Variants in HMGN3 observed in about 807,000 individuals in gnomAD.
HMGN3 encodes high mobility group nucleosome-binding domain-containing protein 3.
A neutral mutation model predicts 18.8 loss-of-function variants in HMGN3; 6 were observed. The observed-to-expected ratio is 0.32, with a 90% CI of 0.18 to 0.63. The LOEUF (loss-of-function observed/expected upper bound fraction) is 0.63, where lower values mean the gene tolerates loss of function less well. Among genes scored for constraint, HMGN3 ranks in the 30% least tolerant of loss-of-function variants. HMGN3 has a pLI of 0.79. For missense variants in HMGN3, 107 were observed against 114.2 expected, an observed-to-expected ratio of 0.94 and a Z score of 0.29; for synonymous variants, 40 against 36.5, an observed-to-expected ratio of 1.10 and a Z score of -0.35.
At chr6:79,220,805 T>A (rs1777244746) in intron 1 of HMGN3, among the ~76,000 whole-genome samples, 1 of 152,106 alleles carries the variant, frequency 6.6e-6, no homozygotes, top group African/African-American at 2.4e-5. Flanking sequence ...GATGGATGTG[T>A]CATAAAGGTA....
In HMGN3 at chr6:79,234,565, A is replaced by G. The variant is rs926753028; in HGVS notation, c.-5T>C. 3.1e-6 allele frequency: 5 copies of G among 1,612,026 alleles called. 1 individual carries two copies. Among genetic ancestry groups the G allele is most frequent in the Admixed American group, 1.7e-5 (1 of 60,016 alleles). The stretch of plus-strand genomic sequence containing the variant: ...ACTTACCTTTCTCTTCGGCATAATG[A>G]CTATGTCGGTGAAGCAAAAAGTAAA... On this transcript the variant is annotated 5_prime_UTR_variant, in exon 1 of 6. Transcript: ENST00000344726.
intron 1 of HMGN3, among the ~76,000 whole-genome samples, chr6:79,229,826 T>C (rs1456960327): frequency 6.6e-6 from 1 of 151,880 alleles, no homozygotes; most frequent in Non-Finnish European, 1.5e-5. Flanking sequence ...TGCAGTGAGC[T>C]GAGATCGCGC....
At chr6:79,234,400 C>A in intron 1 of HMGN3, 146 bp downstream of exon 1, 1 of 711,676 alleles carries the variant, frequency 1.4e-6, no homozygotes, top group Non-Finnish European at 2.5e-6. Flanking sequence ...ACGTCTGCAA[C>A]AGGCATCTAA....
chr6:79,234,657 A>C (rs919014343), exon 1 of HMGN3: 3 of 1,255,624 alleles, frequency 2.4e-6, no homozygotes, highest in Admixed American at 1.7e-5. Context: ...GCTCACGCGC[A>C]GGGCACGACG....
chr6:79,223,144 TGAG>T (rs1298211858), intron 1 of HMGN3, among the ~76,000 whole-genome samples: 1 of 152,076 alleles, frequency 6.6e-6, no homozygotes, highest in Non-Finnish European at 1.5e-5. Flanking sequence ...TTTGGGAGGC[TGAG>T]GAGGGCAGAT....
intron 4 of HMGN3, among the ~76,000 whole-genome samples, chr6:79,203,080 A>T (rs749929791): frequency 6.6e-6 from 1 of 152,188 alleles, no homozygotes; most frequent in African/African-American, 2.4e-5. Flanking sequence ...CTACTTCAAC[A>T]GAGTTGATGT....
chr6:79,229,680 A>T (rs111769593), intron 1 of HMGN3, among the ~76,000 whole-genome samples: 2 of 152,174 alleles, frequency 1.3e-5, no homozygotes, highest in Non-Finnish European at 2.9e-5. Flanking sequence ...GATCAAGACC[A>T]TCCTGGCTAA....
At chr6:79,224,286 A>G (rs1376186409) in intron 1 of HMGN3, among the ~76,000 whole-genome samples, 1 of 152,176 alleles carries the variant, frequency 6.6e-6, no homozygotes, top group Non-Finnish European at 1.5e-5. Flanking sequence ...GGTTTGTGTT[A>G]AGTGTTCTTA....
At chr6:79,201,912 T>C (rs1004261099) in intron 5 of HMGN3, 151 bp downstream of exon 6, 57 of 1,440,692 alleles carry the variant, frequency 4.0e-5, no homozygotes, top group African/African-American at 7.2e-5. Flanking sequence ...ACAAACACTT[T>C]GTTTCATTTA....
At chr6:79,217,483 A>G (rs1777049823) in intron 1 of HMGN3, among the ~76,000 whole-genome samples, 1 of 152,224 alleles carries the variant, frequency 6.6e-6, no homozygotes, top group Admixed American at 6.5e-5. Flanking sequence ...TGGAGAAAGC[A>G]TTTCATAAAC....
chr6:79,201,869 C>A, intron 5 of HMGN3, 143 bp from the exon 7 acceptor site: 1 of 1,453,694 alleles, frequency 6.9e-7, no homozygotes. Flanking sequence ...TATTTCAACT[C>A]TGAGTGAAGA....
intron 1 of HMGN3, among the ~76,000 whole-genome samples, chr6:79,216,908 C>G (rs1369030908): frequency 6.6e-6 from 1 of 152,150 alleles, no homozygotes. Flanking sequence ...CTAGGGTACT[C>G]TCTACCTATA....
chr6:79,209,196 A>G (rs1354066676), intron 2 of HMGN3, among the ~76,000 whole-genome samples: 1 of 152,242 alleles, frequency 6.6e-6, no homozygotes, highest in Non-Finnish European at 1.5e-5. Flanking sequence ...TTTTCTTTTA[A>G]TTTCAAAGTT....
At chr6:79,229,579 A>C (rs1443502648) in intron 1 of HMGN3, among the ~76,000 whole-genome samples, 3 of 152,226 alleles carry the variant, frequency 2.0e-5, no homozygotes, top group Non-Finnish European at 4.4e-5. Flanking sequence ...AGGTTCCTTA[A>C]AACGTTAAAC....
chr6:79,204,312 T>C (rs998390032), intron 3 of HMGN3, among the ~76,000 whole-genome samples: 1 of 152,178 alleles, frequency 6.6e-6, no homozygotes, highest in Non-Finnish European at 1.5e-5. Context: ...TCACAGATAT[T>C]ATTAGCCAAA....
chr6:79,220,161 T>C (rs1193814466), intron 1 of HMGN3, among the ~76,000 whole-genome samples: 1 of 152,200 alleles, frequency 6.6e-6, no homozygotes, highest in Non-Finnish European at 1.5e-5. Context: ...CAGATACAGA[T>C]TAATTTTAGA....
chr6:79,219,657 T>A (rs1304095784), intron 1 of HMGN3, among the ~76,000 whole-genome samples: 1 of 152,110 alleles, frequency 6.6e-6, no homozygotes, highest in Admixed American at 6.5e-5. Flanking sequence ...ATTGCCACAT[T>A]AAAAAAGCAT....
intron 1 of HMGN3, among the ~76,000 whole-genome samples, chr6:79,217,097 T>C (rs1240647598): frequency 6.6e-6 from 1 of 152,110 alleles, no homozygotes; most frequent in African/African-American, 2.4e-5. Context: ...AAAGAGAAAC[T>C]TGGAAAGGCA....
intron 1 of HMGN3, among the ~76,000 whole-genome samples, chr6:79,230,438 T>A (rs1193400369): frequency 6.6e-6 from 1 of 152,242 alleles, no homozygotes; most frequent in South Asian, 2.1e-4. Flanking sequence ...GTAAGTAGAT[T>A]ATACTCAATA....
Sources: allele counts gnomAD v4.1 joint callset (sites outside exome capture counted in the v4.1 genomes callset), GRCh38; gene constraint gnomAD v4.1.1; transcripts MANE v1.5; gene names NCBI Gene and HGNC (gene_info 2026-07-23, HGNC 2026-07-21).